The following EVC variants were observed in gnomAD, a reference collection of about 807,000 sequenced individuals.
EVC encodes EvC ciliary complex subunit 1.
In EVC, 116 loss-of-function variants were observed where a neutral mutation model predicts 118.9. The observed-to-expected ratio is 0.98, with a 90% CI of 0.84 to 1.14. The LOEUF is 1.14. EVC is among the 50% of genes most tolerant of loss of function. The pLI, the probability that EVC is intolerant of heterozygous loss-of-function variation, is 0.00. For missense variants in EVC, 1,401 were observed against 1,246.4 expected (o/e 1.12, Z -1.87); for synonymous variants, 619 against 534.7 (o/e 1.16, Z -2.18).
chr4:5,762,045 C>G (rs1011722536), intron 11 of EVC, among the ~76,000 whole-genome samples: 2 of 77,428 alleles, frequency 2.6e-5, no homozygotes, highest in African/African-American at 9.8e-5. Flanking sequence ...AGTGCTATCC[C>G]TCCCCCCACC....
At chr4:5,817,550 AAG>A (rs1717904704), downstream of EVC, among the ~76,000 whole-genome samples, 1 of 152,210 alleles carries the variant, frequency 6.6e-6, no homozygotes, top group Non-Finnish European at 1.5e-5. Context: ...GGTCTGCACT[AAG>A]AGAAAAATAG....
rs1560317127 is a variant in EVC at position 5,742,350 on chromosome 4, C to G, written c.801+536C>G. Reference sequence around the variant, plus strand: ...AGAGAGATGTGTATGATACACCTAGCAATGTCATAGTTGGCTGTGAATATG... The same window carrying G: ...AGAGAGATGTGTATGATACACCTAGGAATGTCATAGTTGGCTGTGAATATG... On this transcript the variant is annotated intron_variant, in intron 6 of 20. Coordinates refer to ENST00000264956, the MANE Select transcript of EVC (RefSeq NM_153717.3). This position sits in a 1 kb window ranked among gnomAD's most constrained non-coding sequence, Gnocchi z 5.2. 6.6e-6 allele frequency among the ~76,000 whole-genome samples: 1 copy of G among 152,152 alleles called. No homozygotes were observed. The highest frequency in any genetic ancestry group is 1.5e-5 in the Non-Finnish European group (1 of 68,030).
chr4:5,743,638 T>G lies in EVC; in HGVS notation c.802-1566T>G, dbSNP rs767946391. Among the ~76,000 whole-genome samples, 2 of 152,138 alleles carry G rather than the reference T, an allele frequency of 1.3e-5. No individual in the cohort carries two copies. The highest frequency in any genetic ancestry group is 2.9e-5 in the Non-Finnish European group (2 of 68,034). On this transcript the variant is annotated intron_variant, in intron 6 of 20. Coordinates refer to ENST00000264956, the MANE Select transcript of EVC (RefSeq NM_153717.3). The surrounding 1 kb of genome is among the most constrained non-coding windows in gnomAD (Gnocchi z 4.7). ...GGGTTTGGGAAGGAATGTTTCTTCT[T>G]TACTCCACTGGATTCCATGAGGAAG... is the stretch of plus-strand genomic sequence containing the variant.
chr4:5,797,075 G>A lies in EVC; in HGVS notation c.1940G>A (p.Arg647Gln), dbSNP rs35401386. 2.7e-4 allele frequency: 430 copies of A among 1,613,530 alleles called. 1 individual carries two copies. The African/African-American group carries it at 3.8e-3, about 14-fold the overall frequency. ...GHDLLLRSAL[R>Q]RLALRGNALA... ...GACCTGCTGTTGCGCTCAGCCCTCC[G>A]GAGGCTGGCACTCCGCGGCAACGCC... Residue 647 changes from arginine (R) to glutamine (Q), a missense_variant, in exon 14 of 21, where the codon CGG (arginine) becomes CAG (glutamine). Coordinates refer to ENST00000264956, the MANE Select transcript of EVC (RefSeq NM_153717.3).
chr4:5,765,253 C>T lies in EVC; in HGVS notation c.1563+8891C>T, dbSNP rs1381507855. On this transcript the variant is annotated intron_variant, in intron 11 of 20. Transcript: ENST00000264956. ...AATCCTGAGTTCTAGTTTGATTGCA[C>T]TGTGGTCTGAGAGATAGTTTGTTAT... Among the ~76,000 whole-genome samples the T allele has an allele frequency of 1.7e-5, 2 of 117,930 alleles. 1 individual carries two copies. Among genetic ancestry groups the T allele is most frequent in the Non-Finnish European group, 3.7e-5 (2 of 54,546 alleles). 77.4% of individuals were successfully genotyped at this position (117,930 alleles called of 152,430 possible).
At chr4:5,777,539 G>A (rs1006108567) in intron 11 of EVC, among the ~76,000 whole-genome samples, 19 of 152,148 alleles carry the variant, frequency 1.2e-4, no homozygotes, top group African/African-American at 3.4e-4. Context: ...CCCTCCAGAT[G>A]TGTCTTCTTA....
At chr4:5,745,689 G>A (rs1397130357) in intron 7 of EVC, among the ~76,000 whole-genome samples, 2 of 152,220 alleles carry the variant, frequency 1.3e-5, no homozygotes, top group East Asian at 3.8e-4. Context: ...GTGAAAGCAA[G>A]TTTTAAATTC....
chr4:5,800,239 G>A (rs1019093433), intron 15 of EVC, among the ~76,000 whole-genome samples: 9 of 152,118 alleles, frequency 5.9e-5, no homozygotes, highest in East Asian at 3.9e-4. Flanking sequence ...CAGCTACTCG[G>A]GAGGCTGAGG....
intron 12 of EVC, among the ~76,000 whole-genome samples, chr4:5,788,742 T>A (rs1334835168): frequency 6.6e-6 from 1 of 152,212 alleles, no homozygotes; most frequent in Non-Finnish European, 1.5e-5. Context: ...CACTCTTGTC[T>A]GGGTTACTGC....
the EVC span, chr4:5,824,477 C>T: frequency 6.9e-5 from 68 of 985,186 alleles, no homozygotes; most frequent in South Asian, 9.4e-5. Flanking sequence ...TGAATTCACA[C>T]GTCATCCTCT....
intron 13 of EVC, among the ~76,000 whole-genome samples, chr4:5,794,611 A>G (rs552599722): frequency 6.6e-6 from 1 of 151,812 alleles, no homozygotes; most frequent in East Asian, 1.9e-4. Context: ...GGGTTTCACC[A>G]TGTTGGCCAG....
chr4:5,725,385 G>T (rs940313354), intron 2 of EVC, among the ~76,000 whole-genome samples: 1 of 152,144 alleles, frequency 6.6e-6, no homozygotes, highest in Non-Finnish European at 1.5e-5. Context: ...ACCAGCATCT[G>T]TTGTTTCTTG....
At chr4:5,715,803 G>T (rs1204823936) in intron 1 of EVC, among the ~76,000 whole-genome samples, 1 of 137,482 alleles carries the variant, frequency 7.3e-6, no homozygotes, top group Non-Finnish European at 1.5e-5. Flanking sequence ...GAGTGCAGTA[G>T]TGCAATCTCG....
At position 5,752,765 on chromosome 4, in the gene EVC, A is replaced by G. The variant is rs932754309; in HGVS notation, c.1099-71A>G. The G allele has an allele frequency of 3.3e-6, 5 of 1,515,150 alleles. No individual in the cohort carries two copies. The African/African-American group carries it at 6.8e-5, about 21-fold the overall frequency. The allele number at this position is 1,515,150 out of a possible 1,614,324, so 93.9% of individuals were successfully genotyped here. A position where few individuals can be genotyped will look rare whatever the true frequency, so the allele number is the denominator to read the frequency against. On this transcript the variant is annotated intron_variant, in intron 8 of 20. Coordinates refer to ENST00000264956, the MANE Select transcript of EVC (RefSeq NM_153717.3). Reference sequence around the variant, plus strand: ...TTAATGACCCTGGTGGCTTCTTCTCAGCTGTTAATTAACATGCCCTGGTGG... The same window carrying G: ...TTAATGACCCTGGTGGCTTCTTCTCGGCTGTTAATTAACATGCCCTGGTGG...
rs12509231 is a variant in EVC, at chr4:5,797,350, G to A, written c.2097+118G>A. 289,776 of 866,612 alleles carry A rather than the reference G, an allele frequency of 0.33. 52,681 individuals are homozygous for A. Among genetic ancestry groups the A allele is most frequent in the South Asian group, 0.52 (36,421 of 69,588 alleles). 53.7% of individuals were successfully genotyped at this position (866,612 alleles called of 1,614,324 possible). ...TATCACCCTTGGTGCTGCAGGGTGC[G>A]GTATTCATTCGCCGGGGCTGCCATA... On this transcript the variant is annotated intron_variant, in intron 14 of 20. Transcript: ENST00000264956.
At chr4:5,802,478 G>A (rs558773756) in intron 16 of EVC, among the ~76,000 whole-genome samples, 266 of 152,316 alleles carry the variant, frequency 1.7e-3, no homozygotes, top group African/African-American at 5.9e-3. Flanking sequence ...GACGATTCAA[G>A]TGCATTATAT....
rs62297707 is a variant in EVC at position 5,811,785 on chromosome 4, T to C, written c.*748T>C. On this transcript the variant is annotated 3_prime_UTR_variant, in exon 21 of 21. Transcript: ENST00000264956. Reference sequence around the variant, plus strand: ...GGGGCCTTTCTCACCTGGAGAGAAATTTCCAGACCATCCCCTCTCACCACA... The same window carrying C: ...GGGGCCTTTCTCACCTGGAGAGAAACTTCCAGACCATCCCCTCTCACCACA... The C allele has an allele frequency of 0.14, 13,991 of 101,618 alleles. 786 individuals are homozygous for C. The highest frequency in any genetic ancestry group is 0.16 in the Non-Finnish European group (7,496 of 47,398). 6.3% of individuals were successfully genotyped at this position (101,618 alleles called of 1,614,324 possible).
chr4:5,749,341 G>GAAAA lies in EVC; in HGVS notation c.1098+1051_1098+1054dup, dbSNP rs57482108. 2.5e-5 allele frequency among the ~76,000 whole-genome samples: 3 copies of GAAAA among 121,880 alleles called. No homozygotes were observed. Among genetic ancestry groups the GAAAA allele is most frequent in the Non-Finnish European group, 5.0e-5 (3 of 59,652 alleles). 80.0% of individuals were successfully genotyped at this position (121,880 alleles called of 152,430 possible). On this transcript the variant is annotated intron_variant, in intron 8 of 20. Transcript: ENST00000264956. The surrounding 1 kb of genome is among the most constrained non-coding windows in gnomAD (Gnocchi z 4.4). Reference sequence around the variant, plus strand: ...TAACACTAACGATAGCTGATGAGCGGAAAAAAAAAAAAAAAAAAAGGTCCC... The same window carrying GAAAA: ...TAACACTAACGATAGCTGATGAGCGGAAAAAAAAAAAAAAAAAAAAAAAGGTCCC...
intron 5 of EVC, among the ~76,000 whole-genome samples, chr4:5,740,034 TC>T (rs1197846953): frequency 6.6e-6 from 1 of 152,146 alleles, no homozygotes; most frequent in Non-Finnish European, 1.5e-5. Flanking sequence ...GATAAGCTTT[TC>T]AATAAATGGT....
Sources: gnomAD v4.1 joint callset for allele counts (sites outside exome capture counted in the v4.1 genomes callset) on GRCh38, gnomAD v4.1.1 for gene constraint, Gnocchi (gnomAD v3.1) non-coding constraint, MANE v1.5 for transcripts, NCBI Gene and HGNC (gene_info 2026-07-23, HGNC 2026-07-21) for gene names.